Variants in ADAM22 observed in about 807,000 individuals in gnomAD.
The protein encoded by ADAM22 is ADAM metallopeptidase domain 22.
Under a neutral mutation model 144.6 loss-of-function variants are expected in ADAM22, and 65 were observed. The ratio of observed to expected loss-of-function variants is 0.45; its 90% CI spans 0.37 to 0.55. The LOEUF is 0.55. ADAM22 is among the 20% of genes least tolerant of loss of function. The pLI is 0.00. For missense variants in ADAM22, 974 were observed against 1,184.9 expected (o/e 0.82, Z 2.61); for synonymous variants, 391 against 412.6 (o/e 0.95, Z 0.63).
intron 2 of ADAM22, among the ~76,000 whole-genome samples, chr7:87,973,382 A>T (rs1850991236): frequency 7.1e-6 from 1 of 141,804 alleles, no homozygotes; most frequent in Non-Finnish European, 1.5e-5. Flanking sequence ...TCAAAACCAC[A>T]ATGAGATACC....
intron 7 of ADAM22, among the ~76,000 whole-genome samples, chr7:88,120,612 A>G (rs1387228860): frequency 1.3e-5 from 2 of 152,224 alleles, no homozygotes. Context: ...CTTACTCGCC[A>G]CTAATCAGAA....
intron 2 of ADAM22, among the ~76,000 whole-genome samples, chr7:87,953,227 T>A (rs1408507730): frequency 1.3e-5 from 2 of 152,178 alleles, no homozygotes; most frequent in Admixed American, 1.3e-4. Context: ...CTTTTAATTG[T>A]GATGTTAGGG....
At chr7:88,175,454 A>G (rs1845400834) in intron 26 of ADAM22, among the ~76,000 whole-genome samples, 1 of 152,348 alleles carries the variant, frequency 6.6e-6, no homozygotes, top group East Asian at 1.9e-4. Context: ...TTCAAAACAC[A>G]AAATGAAATG....
chr7:88,101,427 T>C (rs893701593), intron 4 of ADAM22, among the ~76,000 whole-genome samples: 1 of 152,128 alleles, frequency 6.6e-6, no homozygotes, highest in African/African-American at 2.4e-5. Flanking sequence ...ACACTGGCCC[T>C]GACCCTTTTA....
rs989888095 is a variant in ADAM22, at chr7:88,151,237, T to C, written c.1618-20T>C. The C allele has an allele frequency of 1.2e-6, 2 of 1,613,860 alleles. No homozygotes were observed. The highest frequency in any genetic ancestry group is 1.7e-6 in the Non-Finnish European group (2 of 1,179,882). ...AAGCAGATATTGCATCGCTAATGGG[T>C]ATTTGCTTTTCCGTTTTAGGGAATT... On this transcript the variant is annotated intron_variant, in intron 19 of 31. Transcript: ENST00000413139.
rs140277401 is a variant in ADAM22 at position 88,148,196 on chromosome 7, G to A, written c.1486-781G>A. Among the ~76,000 whole-genome samples, 60 of 152,230 alleles carry A rather than the reference G, an allele frequency of 3.9e-4. 1 individual carries two copies. In the East Asian group the frequency reaches 0.011, roughly 27 times the overall value. On this transcript the variant is annotated intron_variant, in intron 17 of 31. Coordinates refer to ENST00000413139, the MANE Select transcript of ADAM22 (RefSeq NM_001324418.2). Reference sequence around the variant, plus strand: ...GAAGCAGAATAACATGTGCCTTTGTGTGAGCAGACACAAAGCATGTAAGGA... The same window carrying A: ...GAAGCAGAATAACATGTGCCTTTGTATGAGCAGACACAAAGCATGTAAGGA...
At chr7:87,952,553 A>G (rs1845517783) in intron 2 of ADAM22, among the ~76,000 whole-genome samples, 1 of 152,012 alleles carries the variant, frequency 6.6e-6, no homozygotes, top group Admixed American at 6.6e-5. Flanking sequence ...CCAGTATTTT[A>G]CTGAGGATTT....
intron 3 of ADAM22, among the ~76,000 whole-genome samples, chr7:88,039,085 AC>A (rs1802296488): frequency 6.6e-6 from 1 of 151,950 alleles, no homozygotes; most frequent in Admixed American, 6.6e-5. Flanking sequence ...TTTTTCCAAG[AC>A]TATGGATCTG....
chr7:88,087,667 T>C (rs1417184604), intron 4 of ADAM22, among the ~76,000 whole-genome samples: 1 of 152,158 alleles, frequency 6.6e-6, no homozygotes, highest in African/African-American at 2.4e-5. Flanking sequence ...ACTATTAGCA[T>C]TGTTCTGATA....
At chr7:87,977,761 A>G (rs1852247375) in intron 2 of ADAM22, among the ~76,000 whole-genome samples, 1 of 152,072 alleles carries the variant, frequency 6.6e-6, no homozygotes, top group African/African-American at 2.4e-5. Flanking sequence ...ACACAAGAAC[A>G]TTTTGATAGG....
At chr7:88,135,277 CAAAAAAAAAAAA>C (rs55721029) in intron 13 of ADAM22, among the ~76,000 whole-genome samples, 2 of 60,478 alleles carry the variant, frequency 3.3e-5, no homozygotes, top group South Asian at 8.5e-4. Context: ...GACTCCATCT[CAAAAAAAAAAAA>C]AAAAAAAAAA....
At chr7:87,987,174 C>T (rs930692566) in intron 3 of ADAM22, among the ~76,000 whole-genome samples, 5 of 151,654 alleles carry the variant, frequency 3.3e-5, no homozygotes, top group African/African-American at 1.2e-4. Context: ...TGTCAAATTA[C>T]TATTATTATT....
intron 2 of ADAM22, among the ~76,000 whole-genome samples, chr7:87,955,733 T>G (rs1846510057): frequency 6.6e-6 from 1 of 152,202 alleles, no homozygotes; most frequent in Non-Finnish European, 1.5e-5. Flanking sequence ...CCCAGAGGTG[T>G]AGCCTACAGA....
At chr7:87,979,762 C>G (rs975071418) in intron 3 of ADAM22, among the ~76,000 whole-genome samples, 5 of 151,972 alleles carry the variant, frequency 3.3e-5, no homozygotes, top group Non-Finnish European at 5.9e-5. Flanking sequence ...AGCCAGGAGA[C>G]AGAGGTAAGA....
intron 22 of ADAM22, 36 bp downstream of exon 22, chr7:88,156,042 T>A: frequency 3.1e-6 from 5 of 1,607,460 alleles, no homozygotes; most frequent in Non-Finnish European, 4.2e-6. Flanking sequence ...ATCTGAGTCA[T>A]CTTATTTCTC....
At chr7:88,099,192 C>G (rs1822249009) in intron 4 of ADAM22, among the ~76,000 whole-genome samples, 1 of 152,180 alleles carries the variant, frequency 6.6e-6, no homozygotes, top group African/African-American at 2.4e-5. Flanking sequence ...AGTTCAACAA[C>G]TCTGAAAGTC....
At chr7:87,976,756 A>G (rs936754725) in intron 2 of ADAM22, among the ~76,000 whole-genome samples, 5 of 152,252 alleles carry the variant, frequency 3.3e-5, no homozygotes, top group African/African-American at 1.2e-4. Context: ...TAAAGAGCAG[A>G]AGAGAGAACT....
At chr7:87,955,090 A>G (rs1366956015) in intron 2 of ADAM22, among the ~76,000 whole-genome samples, 1 of 152,096 alleles carries the variant, frequency 6.6e-6, no homozygotes, top group East Asian at 1.9e-4. Flanking sequence ...ATTTCCTCCT[A>G]TAGCTCGGAG....
At chr7:88,093,848 A>G (rs1344608414) in intron 4 of ADAM22, among the ~76,000 whole-genome samples, 2 of 152,102 alleles carry the variant, frequency 1.3e-5, no homozygotes, top group Non-Finnish European at 2.9e-5. Context: ...CACATTTGAT[A>G]TTTTATCATA....
Sources: allele counts gnomAD v4.1 joint callset (sites outside exome capture counted in the v4.1 genomes callset), GRCh38; gene constraint gnomAD v4.1.1; transcripts MANE v1.5; gene names NCBI Gene and HGNC (gene_info 2026-07-23, HGNC 2026-07-21).